The following GRAMD1C variants were observed in gnomAD, a reference collection of about 807,000 sequenced individuals.
GRAMD1C encodes protein Aster-C.
A neutral mutation model predicts 97.8 loss-of-function variants in GRAMD1C; 89 were observed. The observed-to-expected ratio is 0.91, with a 90% CI of 0.77 to 1.09. The LOEUF is 1.09. GRAMD1C is among the 50% of genes least tolerant of loss of function. The pLI is 0.00. For missense variants in GRAMD1C, 740 were observed against 766.4 expected, an observed-to-expected ratio of 0.97 and a Z score of 0.41; for synonymous variants, 256 against 267.0, an observed-to-expected ratio of 0.96 and a Z score of 0.40.
At chr3:113,877,036 C>G (rs1935072728) in intron 5 of GRAMD1C, among the ~76,000 whole-genome samples, 1 of 151,770 alleles carries the variant, frequency 6.6e-6, no homozygotes, top group Non-Finnish European at 1.5e-5. Flanking sequence ...TTTTTAGAGA[C>G]AGGGTCTTGC....
intron 6 of GRAMD1C, among the ~76,000 whole-genome samples, chr3:113,893,276 ATAAAAACC>A (rs1935806157): frequency 6.6e-6 from 1 of 152,114 alleles, no homozygotes; most frequent in East Asian, 1.9e-4. Flanking sequence ...TGCCCTTGGA[ATAAAAACC>A]TAAAAATCTC....
Position 113,930,757 on chromosome 3 carries a change from G to T in GRAMD1C, c.1134G>T (p.Gln378His), listed in dbSNP as rs1463897542. The change falls in exon 11 of 18, where the codon CAG becomes CAT. Residue 378 changes from glutamine (Q) to histidine (H), a missense_variant. Gln to His is a conservative substitution (Grantham distance 24). Transcript: ENST00000358160. ...TPWTAELGGDQLRTMTYTIVL... is the reference protein window; with the variant it reads ...TPWTAELGGDHLRTMTYTIVL... ...GGACTGCAGAACTTGGAGGTGATCA[G>T]CTGAGAACGATGACCTACACTATAG... 6.2e-7 allele frequency: 1 copy of T among 1,611,836 alleles called. No homozygotes were observed. The highest frequency in any genetic ancestry group is 1.1e-5 in the South Asian group (1 of 91,030).
chr3:113,934,753 A>G (rs1196217357), intron 13 of GRAMD1C, among the ~76,000 whole-genome samples: 1 of 151,390 alleles, frequency 6.6e-6, no homozygotes, highest in Non-Finnish European at 1.5e-5. Context: ...TTTATTTTTT[A>G]TTTTTTTTGA....
At chr3:113,929,294 A>G (rs1264388901) in intron 10 of GRAMD1C, among the ~76,000 whole-genome samples, 1 of 152,176 alleles carries the variant, frequency 6.6e-6, no homozygotes, top group Non-Finnish European at 1.5e-5. Context: ...AATTCATTCC[A>G]GGTTTTTTTT....
In GRAMD1C at chr3:113,938,067, T is replaced by A. The variant is rs1302213639; in HGVS notation, c.1634-19T>A. On this transcript the variant is annotated intron_variant, in intron 14 of 17. Coordinates refer to ENST00000358160, the MANE Select transcript of GRAMD1C (RefSeq NM_017577.5). ...TCACAATTCTCATTCTAATGCAGCC[T>A]TTTTCTTGTGATCTACAGGAAAGAA... 1 of 1,374,408 alleles carries A rather than the reference T, an allele frequency of 7.3e-7. No homozygotes were observed. The allele number at this position is 1,374,408 out of a possible 1,614,324, so 85.1% of individuals were successfully genotyped here.
upstream of GRAMD1C, chr3:113,838,678 A>G (rs1156346221): frequency 4.4e-5 from 16 of 367,250 alleles, no homozygotes; most frequent in Non-Finnish European, 7.3e-5. Flanking sequence ...GGGAATAGGG[A>G]AGTCTCATTG....
chr3:113,917,699 AT>A (rs932827364), intron 10 of GRAMD1C, among the ~76,000 whole-genome samples: 81 of 145,068 alleles, frequency 5.6e-4, no homozygotes, highest in African/African-American at 1.4e-3. Context: ...TGTAAACATA[AT>A]TTTTTTTTTT....
chr3:113,844,745 G>T, intron 2 of GRAMD1C, 96 bp downstream of exon 2: 1 of 840,188 alleles, frequency 1.2e-6, no homozygotes, highest in Non-Finnish European at 1.8e-6. Flanking sequence ...TTCCTTCTTA[G>T]CTTCTAGATT....
chr3:113,893,731 C>T (rs899063676), intron 6 of GRAMD1C, among the ~76,000 whole-genome samples: 7 of 152,152 alleles, frequency 4.6e-5, no homozygotes, highest in African/African-American at 1.2e-4. Context: ...GTAAATATTG[C>T]GCTTCCCTTA....
chr3:113,922,668 G>C (rs1937101442), intron 10 of GRAMD1C, among the ~76,000 whole-genome samples: 1 of 152,118 alleles, frequency 6.6e-6, no homozygotes, highest in Non-Finnish European at 1.5e-5. Flanking sequence ...ATGCTGTTTT[G>C]GTTACGGTTG....
At chr3:113,928,108 A>G (rs115744232) in intron 10 of GRAMD1C, among the ~76,000 whole-genome samples, 14 of 152,024 alleles carry the variant, frequency 9.2e-5, no homozygotes, top group South Asian at 4.1e-4. Flanking sequence ...CATATTGAGG[A>G]GCTTTTCCTG....
rs71144097 is a variant in GRAMD1C at position 113,917,856 on chromosome 3, C to CTTT, written c.1090+2041_1090+2043dup. Among the ~76,000 whole-genome samples the CTTT allele has an allele frequency of 7.0e-3, 294 of 41,922 alleles. 13 individuals are homozygous for CTTT. Among genetic ancestry groups the CTTT allele is most frequent in the Non-Finnish European group, 0.01 (246 of 24,224 alleles). The allele number at this position is 41,922 out of a possible 152,430, so 27.5% of individuals were successfully genotyped here. On this transcript the variant is annotated intron_variant, in intron 10 of 17. Transcript: ENST00000358160. ...TACAGGCGTGCACCACCATGCTTGG[C>CTTT]TTTTTTTTTTTTTTTTTTTTTTTTT...
intron 3 of GRAMD1C, among the ~76,000 whole-genome samples, chr3:113,872,374 A>G (rs1577147431): frequency 1.4e-5 from 2 of 145,526 alleles, no homozygotes; most frequent in Admixed American, 6.9e-5. Flanking sequence ...CTATGAATCC[A>G]CTTCATTCTT....
intron 2 of GRAMD1C, among the ~76,000 whole-genome samples, chr3:113,851,794 A>G (rs1377112647): frequency 2.6e-5 from 4 of 152,150 alleles, no homozygotes; most frequent in African/African-American, 9.6e-5. Flanking sequence ...CTGGGATTGC[A>G]GGCCTGAACC....
At chr3:113,913,141 G>A in intron 9 of GRAMD1C, 1 of 1,259,452 alleles carries the variant, frequency 7.9e-7, no homozygotes, top group Non-Finnish European at 1.0e-6. Context: ...GATCTACTCT[G>A]GCCCCCAGTG....
At chr3:113,883,981 A>G (rs1009145328) in intron 6 of GRAMD1C, among the ~76,000 whole-genome samples, 3 of 152,188 alleles carry the variant, frequency 2.0e-5, no homozygotes, top group Non-Finnish European at 2.9e-5. Context: ...CCCCATCTCT[A>G]TTTATTTAAT....
intron 10 of GRAMD1C, among the ~76,000 whole-genome samples, chr3:113,924,773 G>C (rs1937179511): frequency 6.6e-6 from 1 of 152,190 alleles, no homozygotes; most frequent in African/African-American, 2.4e-5. Context: ...CTCTGTAGAT[G>C]TCTGTTAGGT....
intron 7 of GRAMD1C, among the ~76,000 whole-genome samples, chr3:113,902,053 T>C (rs1936192025): frequency 6.6e-6 from 1 of 152,332 alleles, no homozygotes; most frequent in South Asian, 2.1e-4. Context: ...GTGGTGATGG[T>C]TGCCCAACTC....
chr3:113,900,808 A>G (rs1429212466), intron 6 of GRAMD1C, among the ~76,000 whole-genome samples: 1 of 152,100 alleles, frequency 6.6e-6, no homozygotes, highest in Non-Finnish European at 1.5e-5. Flanking sequence ...GTACTTTAAA[A>G]TCATTTTATC....
Sources: gnomAD v4.1 joint callset for allele counts (sites outside exome capture counted in the v4.1 genomes callset) on GRCh38, gnomAD v4.1.1 for gene constraint, MANE v1.5 for transcripts, NCBI Gene and HGNC (gene_info 2026-07-23, HGNC 2026-07-21) for gene names.